TAF1: variants seen among roughly 807,000 people sequenced by gnomAD.
The protein encoded by TAF1 is TATA-box binding protein associated factor 1.
A neutral mutation model predicts 138.5 loss-of-function variants in TAF1; 2 were observed. The observed-to-expected ratio is 0.01, with a 90% confidence interval of 0.01 to 0.05. TAF1 has a LOEUF of 0.05. TAF1 is among the 10% of genes least tolerant of loss of function. TAF1 has a pLI of 1.00. For missense variants in TAF1, 709 were observed against 1,478.0 expected (o/e 0.48, Z 8.53); for synonymous variants, 437 against 503.2 (o/e 0.87, Z 1.76).
intron 18 of TAF1, among the ~76,000 whole-genome samples, chrX:71,391,211 A>G (rs191587729): frequency 9.0e-6 from 1 of 111,548 alleles, no homozygotes; most frequent in African/African-American, 3.3e-5. Flanking sequence ...GAGGTTCATG[A>G]AAAAGTAGTA....
chrX:71,408,752 G>A lies in TAF1; in HGVS notation c.4384+601G>A, dbSNP rs189752461. On this transcript the variant is annotated intron_variant, in intron 28 of 37. Coordinates refer to ENST00000423759, the MANE Select transcript of TAF1 (RefSeq NM_004606.5). ...ACAAAAGAGAGACATTCGGCTGGGCGCGGTGGCTCACGCCTGTAATCCCAG... is the reference window on the plus strand; with the variant it reads ...ACAAAAGAGAGACATTCGGCTGGGCACGGTGGCTCACGCCTGTAATCCCAG... Among the ~76,000 whole-genome samples, 792 of 111,605 alleles carry A rather than the reference G, an allele frequency of 7.1e-3. 10 individuals are homozygous for A. The highest frequency in any genetic ancestry group is 0.024 in the African/African-American group (749 of 30,893).
At chrX:71,453,936 TTGAC>T (rs746763048) in intron 32 of TAF1, among the ~76,000 whole-genome samples, 1 of 112,039 alleles carries the variant, frequency 8.9e-6, no homozygotes, top group East Asian at 2.8e-4. Flanking sequence ...TGAAACAAGA[TTGAC>T]TGTGTGTTAA....
intron 32 of TAF1, among the ~76,000 whole-genome samples, chrX:71,441,120 C>T (rs896196766): frequency 6.3e-5 from 7 of 110,637 alleles, no homozygotes; most frequent in Middle Eastern, 4.6e-3. Context: ...AGGTTGGTCT[C>T]GAACTCCTGG....
intron 13 of TAF1, among the ~76,000 whole-genome samples, chrX:71,503,330 A>G (rs754274321): frequency 0.016 from 1,402 of 89,369 alleles, 23 homozygotes; most frequent in African/African-American, 0.026. Context: ...ATGTGTGTGT[A>G]TATATATATA....
At chrX:71,412,574 G>C (rs754685081) in intron 28 of TAF1, among the ~76,000 whole-genome samples, 6 of 112,045 alleles carry the variant, frequency 5.4e-5, no homozygotes, top group African/African-American at 1.9e-4. Context: ...GTACAGACTT[G>C]TGTGTGGACA....
intron 13 of TAF1, among the ~76,000 whole-genome samples, chrX:71,522,721 C>G (rs1446989356): frequency 2.3e-5 from 1 of 43,506 alleles, no homozygotes; most frequent in Admixed American, 3.2e-4. Context: ...TTGACAATAA[C>G]TCTGGTCTTC....
At chrX:71,451,888 A>G (rs1335315882) in intron 32 of TAF1, among the ~76,000 whole-genome samples, 2 of 112,529 alleles carry the variant, frequency 1.8e-5, no homozygotes, top group Non-Finnish European at 3.8e-5. Flanking sequence ...TACTACACAG[A>G]CACAGCAACC....
chrX:71,404,243 A>AT (rs2035334765), intron 25 of TAF1, among the ~76,000 whole-genome samples: 1 of 111,240 alleles, frequency 9.0e-6, no homozygotes, highest in South Asian at 3.8e-4. Flanking sequence ...AAGTGCTGGG[A>AT]TTACAGGCGT....
chrX:71,396,185 C>T (rs994125328), intron 22 of TAF1, among the ~76,000 whole-genome samples: 2 of 109,314 alleles, frequency 1.8e-5, no homozygotes, highest in African/African-American at 3.3e-5. Flanking sequence ...GAACAAGATC[C>T]TCAGGTGATT....
intron 28 of TAF1, among the ~76,000 whole-genome samples, chrX:71,418,412 C>A (rs754139928): frequency 1.5e-4 from 17 of 112,865 alleles, no homozygotes; most frequent in Non-Finnish European, 3.0e-4. Context: ...CAATAAGTCT[C>A]ATAGGCAGGA....
chrX:71,494,394 G>C (rs2039356504), intron 13 of TAF1, among the ~76,000 whole-genome samples: 4 of 111,391 alleles, frequency 3.6e-5, no homozygotes, highest in Admixed American at 1.9e-4. Flanking sequence ...CTGCACTCCA[G>C]CCTGGGCAAC....
intron 28 of TAF1, among the ~76,000 whole-genome samples, chrX:71,408,513 C>T (rs1336323031): frequency 9.0e-6 from 1 of 110,659 alleles, no homozygotes; most frequent in East Asian, 2.9e-4. Flanking sequence ...GACTGGGTTT[C>T]ACCATGTTGG....
chrX:71,506,220 A>C lies in TAF1; in HGVS notation c.1367-22322A>C, dbSNP rs186254069. On this transcript the variant is annotated intron_variant and NMD_transcript_variant, in intron 13 of 14. Transcript: ENST00000373775. ...CGTCTCAAAATAAATAAATAAATAA[A>C]AATAAATAAATAAATAAAAAATCAG... Among the ~76,000 whole-genome samples, 649 of 106,671 alleles carry C rather than the reference A, an allele frequency of 6.1e-3. 5 individuals carry two copies. Among genetic ancestry groups the C allele is most frequent in the African/African-American group, 0.021 (629 of 29,348 alleles). The allele number at this position is 106,671 out of a possible 115,157, so 92.6% of individuals were successfully genotyped here. A position where few individuals can be genotyped will look rare whatever the true frequency, so the allele number is the denominator to read the frequency against.
chrX:71,409,210 T>A (rs1265195120), intron 28 of TAF1, among the ~76,000 whole-genome samples: 1 of 110,014 alleles, frequency 9.1e-6, no homozygotes, highest in Admixed American at 9.8e-5. Context: ...TTTTTTTCCC[T>A]TGTGAGACAG....
At chrX:71,524,676 C>T (rs908888097) in intron 13 of TAF1, among the ~76,000 whole-genome samples, 4 of 108,840 alleles carry the variant, frequency 3.7e-5, no homozygotes, top group East Asian at 2.9e-4. Context: ...GGTGTGGTGG[C>T]TCACGCCTGT....
At chrX:71,500,614 G>A (rs759095673) in intron 13 of TAF1, among the ~76,000 whole-genome samples, 3 of 97,536 alleles carry the variant, frequency 3.1e-5, no homozygotes, top group Non-Finnish European at 4.0e-5. Flanking sequence ...GCTCACCAAC[G>A]CAGCAGCAGA....
intron 13 of TAF1, among the ~76,000 whole-genome samples, chrX:71,516,994 G>T (rs2039836190): frequency 9.0e-6 from 1 of 111,265 alleles, no homozygotes; most frequent in African/African-American, 3.3e-5. Context: ...CTCCCAAAGT[G>T]CTGGGATTTA....
intron 13 of TAF1, among the ~76,000 whole-genome samples, chrX:71,506,687 G>A (rs2039634509): frequency 9.5e-6 from 1 of 105,091 alleles, no homozygotes; most frequent in Non-Finnish European, 1.9e-5. Context: ...GGGCAACAGA[G>A]CGAGACCCTG....
chrX:71,401,404 C>G (rs2035169013), intron 24 of TAF1, 124 bp from the exon 25 acceptor site: 5 of 854,417 alleles, frequency 5.9e-6, no homozygotes, highest in Non-Finnish European at 8.3e-6. Context: ...TTTTGGTATA[C>G]TTGGGGGTCC....
Sources: allele counts gnomAD v4.1 joint callset (sites outside exome capture counted in the v4.1 genomes callset), GRCh38; gene constraint gnomAD v4.1.1; transcripts MANE v1.5; gene names NCBI Gene and HGNC (gene_info 2026-07-23, HGNC 2026-07-21).